The following DOCK3 variants were observed in gnomAD, a reference collection of about 807,000 sequenced individuals.
DOCK3 encodes dedicator of cytokinesis protein 3.
In DOCK3, 60 loss-of-function variants were observed where a neutral mutation model predicts 265.6. The ratio of observed to expected loss-of-function variants is 0.23; its 90% CI spans 0.18 to 0.28. DOCK3 has a LOEUF of 0.28. DOCK3 is among the 10% of genes least tolerant of loss of function. DOCK3 has a pLI of 1.00. For missense variants in DOCK3, 1,981 were observed against 2,594.3 expected (o/e 0.76, Z 5.14); for synonymous variants, 881 against 938.0 (o/e 0.94, Z 1.11).
intron 3 of DOCK3, among the ~76,000 whole-genome samples, chr3:50,859,638 T>C (rs1413054488): frequency 2.0e-5 from 3 of 152,178 alleles, no homozygotes; most frequent in Non-Finnish European, 2.9e-5. Flanking sequence ...CAGTTGACTT[T>C]TCTGGATGTT....
chr3:51,346,015 T>C (rs1471057798), intron 38 of DOCK3, among the ~76,000 whole-genome samples: 1 of 152,216 alleles, frequency 6.6e-6, no homozygotes, highest in Non-Finnish European at 1.5e-5. Flanking sequence ...TTTATTCTTC[T>C]AGTCTCTCTA....
intron 1 of DOCK3, among the ~76,000 whole-genome samples, chr3:50,718,285 T>C (rs916423695): frequency 6.6e-6 from 1 of 152,222 alleles, no homozygotes; most frequent in Non-Finnish European, 1.5e-5. Context: ...TAAGAGATCA[T>C]GAGCAAGATA....
chr3:50,881,575 T>C (rs1334509691), intron 3 of DOCK3, among the ~76,000 whole-genome samples: 1 of 152,144 alleles, frequency 6.6e-6, no homozygotes, highest in Non-Finnish European at 1.5e-5. Flanking sequence ...GAAGGACCTC[T>C]TCAAGGATAA....
chr3:50,838,456 T>C (rs2045640909), intron 2 of DOCK3, among the ~76,000 whole-genome samples: 1 of 152,230 alleles, frequency 6.6e-6, no homozygotes, highest in Non-Finnish European at 1.5e-5. Context: ...AACCAGCAGA[T>C]GTTTTACTCA....
chr3:51,243,162 C>T (rs1418029755), intron 21 of DOCK3, among the ~76,000 whole-genome samples: 4 of 152,284 alleles, frequency 2.6e-5, no homozygotes, highest in Admixed American at 1.3e-4. Flanking sequence ...AAGTCTCCCA[C>T]GGGAGCAAGT....
rs533007838 is a variant in DOCK3 at position 51,168,277 on chromosome 3, T to C, written c.1037+7575T>C. On this transcript the variant is annotated intron_variant, in intron 12 of 52. Transcript: ENST00000266037. ...ACATGGAACCAAAAAAGAGCCCGAA[T>C]GGCTAAGGCAATCCTAAGCAAAAAG... Among the ~76,000 whole-genome samples, 9 of 152,342 alleles carry C rather than the reference T, an allele frequency of 5.9e-5. No individual in the cohort carries two copies. In the East Asian group the frequency reaches 1.5e-3, roughly 26 times the overall value.
chr3:51,244,299 A>G (rs1270533020), intron 21 of DOCK3, among the ~76,000 whole-genome samples: 1 of 152,012 alleles, frequency 6.6e-6, no homozygotes, highest in African/African-American at 2.4e-5. Context: ...TAGCATTTAC[A>G]TCTTTAATAA....
intron 1 of DOCK3, among the ~76,000 whole-genome samples, chr3:50,716,551 A>G (rs183665108): frequency 1.3e-4 from 20 of 151,290 alleles, no homozygotes; most frequent in Admixed American, 7.2e-4. Flanking sequence ...AAAGTATAAT[A>G]ATAATAAAAT....
rs2034748851 is a variant in DOCK3 at position 50,685,715 on chromosome 3, A to T, written c.37+10415A>T. ...ATCAAATCCTTTTTCTCCAGTGGTT[A>T]GAGCATGGAAGTTTTCTGCTGTCTT... On this transcript the variant is annotated intron_variant, in intron 1 of 52. Transcript: ENST00000266037. 8 of 226,316 alleles carry T rather than the reference A, an allele frequency of 3.5e-5. No individual in the cohort carries two copies. In the South Asian group the frequency reaches 7.2e-4, roughly 20 times the overall value. The allele number at this position is 226,316 out of a possible 1,614,324, so 14.0% of individuals were successfully genotyped here. A position where few individuals can be genotyped will look rare whatever the true frequency, so the allele number is the denominator to read the frequency against.
intron 4 of DOCK3, among the ~76,000 whole-genome samples, chr3:50,909,082 T>C (rs1280057695): frequency 6.6e-6 from 1 of 152,014 alleles, no homozygotes; most frequent in Non-Finnish European, 1.5e-5. Flanking sequence ...TTTTCCTCCA[T>C]CTCTTTATTT....
chr3:50,967,387 C>T (rs2077065298), intron 5 of DOCK3, among the ~76,000 whole-genome samples: 1 of 152,138 alleles, frequency 6.6e-6, no homozygotes, highest in African/African-American at 2.4e-5. Flanking sequence ...TGTATCTACA[C>T]CACATTTTCT....
chr3:51,225,740 G>C lies in DOCK3; in HGVS notation c.1344G>C (p.Met448Ile). ...TACAAAAGAATATTGAAGTGACCATGTATGTGCTTTATGCAGATGGAGAAA... is the reference window on the plus strand; with the variant it reads ...TACAAAAGAATATTGAAGTGACCATCTATGTGCTTTATGCAGATGGAGAAA... ...KSVQKNIEVT[M>I]YVLYADGEIL... The change falls in exon 15 of 53, where the codon ATG becomes ATC. Residue 448 changes from methionine to isoleucine, a missense_variant. By Grantham distance (10) the Met-to-Ile change is conservative. Transcript: ENST00000266037. The C allele has an allele frequency of 6.2e-7, 1 of 1,613,424 alleles. No individual in the cohort carries two copies. Among genetic ancestry groups the C allele is most frequent in the Non-Finnish European group, 8.5e-7 (1 of 1,179,638 alleles).
At chr3:51,329,599 C>T (rs2084382743) in intron 32 of DOCK3, among the ~76,000 whole-genome samples, 1 of 152,152 alleles carries the variant, frequency 6.6e-6, no homozygotes, top group Admixed American at 6.5e-5. Context: ...GCTCTAGGTT[C>T]TGTGAGTACA....
In DOCK3 at chr3:51,353,125, AATG is replaced by A. The variant is rs543799883; in HGVS notation, c.4108-1754_4108-1752del. ...GACGTTGATGAGGGTTGTACATATGAATGATATGAAAAGGCTAGTTCTTCACAA... is the reference window on the plus strand; with the variant it reads ...GACGTTGATGAGGGTTGTACATATGAATATGAAAAGGCTAGTTCTTCACAA... On this transcript the variant is annotated intron_variant, in intron 40 of 52. Coordinates refer to ENST00000266037, the MANE Select transcript of DOCK3 (RefSeq NM_004947.5). Among the ~76,000 whole-genome samples the A allele has an allele frequency of 3.1e-3, 469 of 152,308 alleles. 3 individuals are homozygous for A. Among genetic ancestry groups the A allele is most frequent in the Middle Eastern group, 0.01 (3 of 294 alleles).
chr3:50,750,949 T>TC (rs1429605698), intron 1 of DOCK3, among the ~76,000 whole-genome samples: 1 of 152,246 alleles, frequency 6.6e-6, no homozygotes, highest in African/African-American at 2.4e-5. Flanking sequence ...CAATTTTTTT[T>TC]CTTTTTTATT....
intron 2 of DOCK3, among the ~76,000 whole-genome samples, chr3:50,836,637 C>T (rs904199441): frequency 2.6e-5 from 4 of 152,100 alleles, no homozygotes; most frequent in Non-Finnish European, 5.9e-5. Flanking sequence ...GGGGCTGCCA[C>T]GAAGGTCTCT....
intron 9 of DOCK3, among the ~76,000 whole-genome samples, chr3:51,093,260 T>C (rs1030222841): frequency 3.3e-5 from 5 of 152,204 alleles, no homozygotes; most frequent in African/African-American, 1.2e-4. Context: ...ATCTATAAAT[T>C]ACTTCAGGCA....
chr3:50,736,674 T>C (rs2038644845), intron 1 of DOCK3, among the ~76,000 whole-genome samples: 1 of 151,338 alleles, frequency 6.6e-6, no homozygotes, highest in South Asian at 2.1e-4. Context: ...TTTTTTCATG[T>C]GTCTGTTGGC....
chr3:50,812,407 G>T (rs2106780129), intron 2 of DOCK3, among the ~76,000 whole-genome samples: 1 of 152,332 alleles, frequency 6.6e-6, no homozygotes, highest in South Asian at 2.1e-4. Context: ...CTCTTTTCAA[G>T]AGAAGCGTTT....
Sources: gnomAD v4.1 joint callset for allele counts (sites outside exome capture counted in the v4.1 genomes callset) on GRCh38, gnomAD v4.1.1 for gene constraint, MANE v1.5 for transcripts, NCBI Gene and HGNC (gene_info 2026-07-23, HGNC 2026-07-21) for gene names.